The following MANBA variants were observed in gnomAD, a reference collection of about 807,000 sequenced individuals.
MANBA encodes the protein mannosidase beta, also known as beta-mannosidase.
Under a neutral mutation model 111.1 loss-of-function variants are expected in MANBA, and 83 were observed. That is an observed-to-expected ratio of 0.75 (90% confidence interval 0.63 to 0.90). The LOEUF is 0.90. MANBA is among the 40% of genes least tolerant of loss of function. MANBA has a pLI of 0.00. For missense variants in MANBA, 1,036 were observed against 1,069.0 expected (o/e 0.97, Z 0.43); for synonymous variants, 370 against 378.7 (o/e 0.98, Z 0.27).
At chr4:102,729,733 G>A (rs1379917269) in intron 1 of MANBA, 1 of 1,428,124 alleles carries the variant, frequency 7.0e-7, no homozygotes, top group Non-Finnish European at 9.8e-7. Flanking sequence ...TGCTGCCTAA[G>A]GTTGTTGATG....
intron 5 of MANBA, among the ~76,000 whole-genome samples, chr4:102,704,595 C>T (rs1046627996): frequency 6.6e-6 from 1 of 151,994 alleles, no homozygotes; most frequent in Non-Finnish European, 1.5e-5. Context: ...TTTTCAGTAA[C>T]TCTCACAGTG....
At chr4:102,684,281 AAGG>A (rs1323246989) in intron 7 of MANBA, among the ~76,000 whole-genome samples, 1 of 152,176 alleles carries the variant, frequency 6.6e-6, no homozygotes, top group African/African-American at 2.4e-5. Context: ...GAGGTGAAAT[AAGG>A]AGGGGCTGGT....
chr4:102,650,776 C>A (rs1730300333), intron 12 of MANBA, 75 bp from the exon 13 acceptor site: 1 of 1,202,060 alleles, frequency 8.3e-7, no homozygotes, highest in Admixed American at 1.8e-5. Flanking sequence ...TCCTGACAAA[C>A]CTGGAAAGTA....
intron 7 of MANBA, among the ~76,000 whole-genome samples, chr4:102,678,660 A>G (rs1365028492): frequency 6.6e-6 from 1 of 152,216 alleles, no homozygotes; most frequent in Non-Finnish European, 1.5e-5. Context: ...TGAAGTTTCT[A>G]TTCCTCACTA....
Position 102,634,828 on chromosome 4 carries a change from G to A in MANBA, c.2375C>T (p.Ser792Leu). 1 of 1,614,192 alleles carries A rather than the reference G, an allele frequency of 6.2e-7. No homozygotes were observed. The highest frequency in any genetic ancestry group is 1.1e-5 in the South Asian group (1 of 91,088). The change falls in exon 16 of 17, where the codon TCA (serine) becomes TTA (leucine). Residue 792 changes from serine (S) to leucine (L), a missense_variant. Transcript: ENST00000647097. ...LSPTNYHFLS[S>L]PKEAVGLCKA... ...GCAGAGCCCCACGGCCTCCTTCGGT[G>A]AGGACAAGAAGTGGTAGTTGGTCGG... is the stretch of plus-strand genomic sequence containing the variant.
In MANBA at chr4:102,657,807, A is replaced by T; in HGVS notation, c.1579T>A (p.Tyr527Asn). 6.2e-7 allele frequency: 1 copy of T among 1,613,710 alleles called. No homozygotes were observed. Among genetic ancestry groups the T allele is most frequent in the Non-Finnish European group, 8.5e-7 (1 of 1,179,596 alleles). Residue 527 changes from tyrosine to asparagine, a missense_variant, in exon 12 of 17, where the codon TAT (tyrosine) becomes AAT (asparagine). Coordinates refer to ENST00000647097, the MANE Select transcript of MANBA (RefSeq NM_005908.4). ...TCATAAAAATGTACATCACCAAAAT[A>T]ATTGCTATTAGGGTTTTGAGAGACC... is the stretch of plus-strand genomic sequence containing the variant. ...AWVSQNPNSN[Y>N]FGDVHFYDYI...
intron 1 of MANBA, among the ~76,000 whole-genome samples, chr4:102,749,634 C>T (rs1319743300): frequency 6.6e-6 from 1 of 152,180 alleles, no homozygotes; most frequent in Admixed American, 6.5e-5. Flanking sequence ...CTTGCTCCAC[C>T]ATCCATTATA....
chr4:102,644,739 T>C (rs550769351), intron 13 of MANBA, among the ~76,000 whole-genome samples: 1 of 152,208 alleles, frequency 6.6e-6, no homozygotes, highest in South Asian at 2.1e-4. Flanking sequence ...ATTTGAAAAT[T>C]GCTAACAGGG....
intron 11 of MANBA, among the ~76,000 whole-genome samples, chr4:102,662,355 C>T (rs1486677772): frequency 6.6e-6 from 1 of 151,788 alleles, no homozygotes; most frequent in Non-Finnish European, 1.5e-5. Context: ...TTCTGGCCAA[C>T]ATGCTGAAAC....
intron 5 of MANBA, among the ~76,000 whole-genome samples, chr4:102,694,661 G>C (rs1201896805): frequency 6.6e-6 from 1 of 152,078 alleles, no homozygotes; most frequent in African/African-American, 2.4e-5. Flanking sequence ...AAGAAGGATT[G>C]CTACATCTTC....
chr4:102,693,429 TAAG>T (rs1332179190), intron 5 of MANBA, among the ~76,000 whole-genome samples: 1 of 152,182 alleles, frequency 6.6e-6, no homozygotes, highest in Non-Finnish European at 1.5e-5. Context: ...TGCAGCCTTA[TAAG>T]AAGAGGAAGA....
At chr4:102,687,882 C>A in intron 7 of MANBA, among the ~76,000 whole-genome samples, 1 of 151,984 alleles carries the variant, frequency 6.6e-6, no homozygotes, top group East Asian at 1.9e-4. Context: ...GAATCAGCCT[C>A]AAAAAATAGC....
intron 7 of MANBA, among the ~76,000 whole-genome samples, chr4:102,678,122 C>T (rs545173224): frequency 6.6e-6 from 1 of 152,248 alleles, no homozygotes; most frequent in East Asian, 1.9e-4. Flanking sequence ...ATTAACTATA[C>T]AACATAACAC....
rs1007608302 is a variant in MANBA at position 102,715,528 on chromosome 4, T to C, written c.550-967A>G. ...TAACTTTTAAGTTCAGGGGTACAAG[T>C]GCAGGTTTGTTATATAGGTAAACTT... On this transcript the variant is annotated intron_variant, in intron 4 of 16. Coordinates refer to ENST00000647097, the MANE Select transcript of MANBA (RefSeq NM_005908.4). 2.0e-5 allele frequency among the ~76,000 whole-genome samples: 3 copies of C among 152,296 alleles called. No homozygotes were observed. In the East Asian group the frequency reaches 5.8e-4, roughly 29 times the overall value.
chr4:102,691,543 TCAC>T, intron 5 of MANBA, among the ~76,000 whole-genome samples: 1 of 150,594 alleles, frequency 6.6e-6, no homozygotes, highest in Non-Finnish European at 1.5e-5. Context: ...ACACAGGTTC[TCAC>T]TCTGTTGCCC....
intron 1 of MANBA, among the ~76,000 whole-genome samples, chr4:102,754,791 C>G (rs565018444): frequency 6.6e-6 from 1 of 152,062 alleles, no homozygotes; most frequent in Non-Finnish European, 1.5e-5. Flanking sequence ...CTCCCGACCT[C>G]GTGATCTGCC....
chr4:102,676,244 G>T (rs1478478021), intron 7 of MANBA, among the ~76,000 whole-genome samples: 1 of 152,184 alleles, frequency 6.6e-6, no homozygotes, highest in Non-Finnish European at 1.5e-5. Flanking sequence ...CAGTTAAGTT[G>T]TAGTGTCTCA....
intron 1 of MANBA, among the ~76,000 whole-genome samples, chr4:102,737,070 G>C (rs1276023868): frequency 1.3e-5 from 2 of 152,274 alleles, no homozygotes; most frequent in South Asian, 2.1e-4. Flanking sequence ...TCCCCAGCTT[G>C]AGTCCAGGGA....
intron 5 of MANBA, among the ~76,000 whole-genome samples, chr4:102,712,590 A>G (rs982218165): frequency 1.3e-5 from 2 of 151,344 alleles, no homozygotes; most frequent in African/African-American, 2.4e-5. Flanking sequence ...TACAATCACA[A>G]CTCACAGCAG....
Sources: allele counts gnomAD v4.1 joint callset (sites outside exome capture counted in the v4.1 genomes callset), GRCh38; gene constraint gnomAD v4.1.1; transcripts MANE v1.5; gene names NCBI Gene and HGNC (gene_info 2026-07-23, HGNC 2026-07-21).